Variants in LMLN observed in about 807,000 individuals in gnomAD.
The protein encoded by LMLN is leishmanolysin like peptidase.
LMLN carries 70 observed loss-of-function variants against 92.3 expected under a neutral mutation model. That is an observed-to-expected ratio of 0.76 (90% CI 0.63 to 0.92). The LOEUF is 0.92. LMLN is among the 40% of genes least tolerant of loss of function. The pLI, the probability that LMLN is intolerant of heterozygous loss-of-function variation, is 0.00. For missense variants in LMLN, 691 were observed against 814.6 expected (o/e 0.85, Z 1.85); for synonymous variants, 308 against 296.2 (o/e 1.04, Z -0.41).
At chr3:197,982,340 C>T (rs778924236) in intron 6 of LMLN, among the ~76,000 whole-genome samples, 24 of 151,498 alleles carry the variant, frequency 1.6e-4, no homozygotes, top group Non-Finnish European at 3.5e-4. Flanking sequence ...ATTCTCCTGC[C>T]TTAGCCTCCT....
intron 8 of LMLN, among the ~76,000 whole-genome samples, chr3:197,987,245 C>T (rs1236895457): frequency 2.3e-4 from 35 of 151,266 alleles, no homozygotes; most frequent in African/African-American, 5.1e-4. Context: ...GTGCCAGCTC[C>T]GCCTCCTGGG....
chr3:197,972,129 G>A (rs1721245715), intron 1 of LMLN, among the ~76,000 whole-genome samples: 1 of 151,146 alleles, frequency 6.6e-6, no homozygotes, highest in Admixed American at 6.6e-5. Context: ...TGATGGTGCA[G>A]TCTTGGCTCA....
intron 14 of LMLN, among the ~76,000 whole-genome samples, chr3:198,030,422 C>T (rs1723047991): frequency 1.3e-5 from 2 of 152,200 alleles, no homozygotes; most frequent in African/African-American, 2.4e-5. Flanking sequence ...TTCGTTTTCT[C>T]TGGATTTAAG....
At chr3:197,965,007 CAAAAAAA>C (rs954254964) in intron 1 of LMLN, among the ~76,000 whole-genome samples, 1 of 91,068 alleles carries the variant, frequency 1.1e-5, no homozygotes, top group African/African-American at 3.8e-5. Flanking sequence ...AACTCTGTCT[CAAAAAAA>C]AAAAAAAAAA....
intron 1 of LMLN, among the ~76,000 whole-genome samples, chr3:197,968,255 A>T (rs1055444925): frequency 1.3e-5 from 2 of 152,090 alleles, no homozygotes; most frequent in Non-Finnish European, 2.9e-5. Context: ...TCACGAGGTC[A>T]GGAGATCGAA....
intron 9 of LMLN, among the ~76,000 whole-genome samples, chr3:197,993,692 A>T (rs890190995): frequency 1.2e-4 from 19 of 152,190 alleles, no homozygotes; most frequent in African/African-American, 4.6e-4. Context: ...TGCTATCCCT[A>T]TCAAAATTCC....
chr3:197,992,273 A>C (rs542844152), intron 9 of LMLN, among the ~76,000 whole-genome samples: 2 of 152,240 alleles, frequency 1.3e-5, no homozygotes, highest in African/African-American at 4.8e-5. Context: ...ATCCTGAGGT[A>C]TCACAACAGA....
intron 1 of LMLN, among the ~76,000 whole-genome samples, chr3:197,972,128 A>T (rs1030693064): frequency 6.6e-6 from 1 of 150,676 alleles, no homozygotes; most frequent in Non-Finnish European, 1.5e-5. Flanking sequence ...GTGATGGTGC[A>T]GTCTTGGCTC....
chr3:197,979,400 G>A (rs2109863870), intron 5 of LMLN, among the ~76,000 whole-genome samples: 1 of 152,350 alleles, frequency 6.6e-6, no homozygotes, highest in African/African-American at 2.4e-5. Context: ...TGGGCAAGGT[G>A]CGGTGACTCA....
intron 1 of LMLN, among the ~76,000 whole-genome samples, chr3:197,969,012 T>A (rs1242634604): frequency 6.6e-6 from 1 of 152,156 alleles, no homozygotes; most frequent in Non-Finnish European, 1.5e-5. Context: ...TTTATGATCA[T>A]CTCTAAATTG....
chr3:197,974,791 G>A (rs951110808), intron 2 of LMLN, among the ~76,000 whole-genome samples: 2 of 152,232 alleles, frequency 1.3e-5, no homozygotes, highest in Non-Finnish European at 1.5e-5. Flanking sequence ...AAGTACTAGT[G>A]TTACCAGAAA....
At chr3:198,033,121 A>G (rs1042479318) in intron 14 of LMLN, among the ~76,000 whole-genome samples, 3 of 152,144 alleles carry the variant, frequency 2.0e-5, no homozygotes, top group African/African-American at 7.2e-5. Context: ...CACAATGAGA[A>G]TACTTCAACT....
chr3:197,999,629 G>A (rs1238624426), intron 11 of LMLN: 1 of 315,986 alleles, frequency 3.2e-6, no homozygotes, highest in Non-Finnish European at 5.9e-6. Context: ...CCGGGCTCAA[G>A]CAGTCCTCTC....
intron 15 of LMLN, 132 bp from the exon 17 acceptor site, chr3:198,038,435 C>T (rs1581191361): frequency 6.0e-6 from 4 of 665,218 alleles, no homozygotes; most frequent in Middle Eastern, 3.1e-4. Context: ...CTGGGTTTTG[C>T]TCTTGATTTA....
intron 4 of LMLN, chr3:197,976,358 C>G: frequency 2.1e-6 from 1 of 473,542 alleles, no homozygotes; most frequent in South Asian, 4.1e-5. Context: ...TTCTCCAGAT[C>G]ACCTTTTTCC....
At chr3:197,991,111 C>CTT (rs56713833) in intron 9 of LMLN, among the ~76,000 whole-genome samples, 27,424 of 137,704 alleles carry the variant, frequency 0.2, 4,446 homozygotes, top group African/African-American at 0.45. Context: ...TTCTTTCTTT[C>CTT]TTTTTTTTTT....
At chr3:198,036,839 G>A (rs1183392662) in intron 15 of LMLN, among the ~76,000 whole-genome samples, 1 of 152,120 alleles carries the variant, frequency 6.6e-6, no homozygotes, top group African/African-American at 2.4e-5. Context: ...TTCAGATTAT[G>A]AACAATAAAA....
chr3:197,983,960 C>T lies in LMLN; in HGVS notation c.746C>T (p.Ala249Val), dbSNP rs1484124601. ...TTTGACAGGCCAATAGCAGGATATG[C>T]TAACCTGTGTCCAAATATGATCTCT... The change falls in exon 7 of 16, where the codon GCT becomes GTT. Residue 249 changes from alanine (A) to valine (V), a missense_variant. Physicochemically the swap from Ala to Val is moderately conservative, Grantham distance 64 (BLOSUM62 0). This residue lies in a region of LMLN where 240 missense variants were observed against 287.3 expected (regional missense o/e 0.84). Coordinates refer to ENST00000330198, the Ensembl canonical transcript of LMLN. 9 of 1,610,680 alleles carry T rather than the reference C, an allele frequency of 5.6e-6. No individual in the cohort carries two copies. In the Admixed American group the frequency reaches 6.7e-5, roughly 12 times the overall value.
In LMLN at chr3:197,989,749, C is replaced by T. The variant is rs1477901250; in HGVS notation, c.930-810C>T. Among the ~76,000 whole-genome samples, 4 of 152,196 alleles carry T rather than the reference C, an allele frequency of 2.6e-5. No individual in the cohort carries two copies. The East Asian group carries it at 7.7e-4, about 29-fold the overall frequency. On this transcript the variant is annotated intron_variant, in intron 8 of 15. Coordinates refer to ENST00000330198, the Ensembl canonical transcript of LMLN. The stretch of plus-strand genomic sequence containing the variant: ...TTAAAACACTTATCAGGGCTAGGCC[C>T]AGTGGCTCACGCCTGTAATCCCAGA...
Sources: gnomAD v4.1 joint callset for allele counts (sites outside exome capture counted in the v4.1 genomes callset) on GRCh38, gnomAD v4.1.1 for gene constraint, gnomAD v4.1.1 regional missense constraint, MANE v1.5 for transcripts, NCBI Gene and HGNC (gene_info 2026-07-23, HGNC 2026-07-21) for gene names.